The following CCDC43 variants were observed in gnomAD, a reference collection of about 807,000 sequenced individuals.
The protein encoded by CCDC43 is coiled-coil domain containing 43.
CCDC43 carries 20 observed loss-of-function variants against 33.3 expected under a neutral mutation model. The ratio of observed to expected loss-of-function variants is 0.60; its 90% CI spans 0.42 to 0.87. The LOEUF (loss-of-function observed/expected upper bound fraction) is 0.87, where lower values mean the gene tolerates loss of function less well. CCDC43 is among the 40% of genes least tolerant of loss of function. The pLI is 0.00. For synonymous variants in CCDC43, 104 were observed against 106.5 expected (o/e 0.98, Z 0.14); for missense variants, 248 against 269.9 (o/e 0.92, Z 0.57).
chr17:44,679,108 A>C, intron 4 of CCDC43, 65 bp from the exon 5 acceptor site: 5 of 1,302,230 alleles, frequency 3.8e-6, no homozygotes, highest in Non-Finnish European at 5.3e-6. Context: ...GCCTTTCCTC[A>C]TTCTACTTAT....
In CCDC43 at chr17:44,682,100, C is replaced by A; in HGVS notation, c.331G>T (p.Ala111Ser). 1.2e-6 allele frequency: 2 copies of A among 1,613,982 alleles called. No individual in the cohort carries two copies. The highest frequency in any genetic ancestry group is 8.5e-7 in the Non-Finnish European group (1 of 1,179,890). ...QAIATLIEKQ[A>S]QIVVKPRMVS... is the part of the protein sequence containing the mutation. Reference sequence around the variant, plus strand: ...ATCCTTGGCTTTACTACGATTTGTGCCTGCTTCTCAATTAGGGTGGCAATG... The same window carrying A: ...ATCCTTGGCTTTACTACGATTTGTGACTGCTTCTCAATTAGGGTGGCAATG... Residue 111 changes from alanine to serine, a missense_variant, in exon 3 of 5, where the codon GCA becomes TCA. Ala to Ser is a moderately conservative substitution (Grantham distance 99). Coordinates refer to ENST00000315286, the MANE Select transcript of CCDC43 (RefSeq NM_144609.3).
chr17:44,683,323 T>C (rs1972189386), intron 2 of CCDC43, among the ~76,000 whole-genome samples: 1 of 151,686 alleles, frequency 6.6e-6, no homozygotes, highest in Admixed American at 6.6e-5. Flanking sequence ...AGGTCAGGAG[T>C]TCGAGACCAG....
In CCDC43 at chr17:44,682,260, G is replaced by A; in HGVS notation, c.293-122C>T. The A allele has an allele frequency of 2.5e-6, 3 of 1,187,158 alleles. No homozygotes were observed. In the South Asian group the frequency reaches 4.2e-5, roughly 17 times the overall value. 73.5% of individuals were successfully genotyped at this position (1,187,158 alleles called of 1,614,324 possible). A position where few individuals can be genotyped will look rare whatever the true frequency, so the allele number is the denominator to read the frequency against. ...GCATCTGCTGCCTCCTTAGAGCCTG[G>A]CAGTTCAAAGGACATGGCTCGGGGG... On this transcript the variant is annotated intron_variant, in intron 2 of 4. Transcript: ENST00000315286.
rs1161370702 is a variant in CCDC43, at chr17:44,677,675, G to C, written c.*1181C>G. On this transcript the variant is annotated 3_prime_UTR_variant, in exon 5 of 5. Coordinates refer to ENST00000315286, the MANE Select transcript of CCDC43 (RefSeq NM_144609.3). ...GGTAGTAAATATTTTAGATTTCACA[G>C]ACCACATATTTTTTTCTTTTATAAC... 1.3e-5 allele frequency: 2 copies of C among 152,012 alleles called. No individual in the cohort carries two copies. Among genetic ancestry groups the C allele is most frequent in the African/African-American group, 2.4e-5 (1 of 41,380 alleles). 9.4% of individuals were successfully genotyped at this position (152,012 alleles called of 1,614,324 possible).
chr17:44,683,115 T>C (rs1230826837), intron 2 of CCDC43, among the ~76,000 whole-genome samples: 1 of 152,098 alleles, frequency 6.6e-6, no homozygotes, highest in Non-Finnish European at 1.5e-5. Context: ...ATGATTTGAG[T>C]TTTCTGTACC....
chr17:44,684,027 G>A (rs1972199234), intron 1 of CCDC43, 68 bp from the exon 2 acceptor site: 1 of 1,005,834 alleles, frequency 9.9e-7, no homozygotes, highest in South Asian at 1.3e-5. Flanking sequence ...CCTCAAAAAA[G>A]CCTATGAAGA....
In CCDC43 at chr17:44,678,766, T is replaced by C; in HGVS notation, c.*90A>G. On this transcript the variant is annotated 3_prime_UTR_variant, in exon 5 of 5. Coordinates refer to ENST00000315286, the MANE Select transcript of CCDC43 (RefSeq NM_144609.3). The stretch of plus-strand genomic sequence containing the variant: ...CAATAGGGGAAATGCCTTGGGAAAC[T>C]ACTTTGCAATGCACTCTCATTTCTC... 2.3e-6 allele frequency: 3 copies of C among 1,292,850 alleles called. No individual in the cohort carries two copies. Among genetic ancestry groups the C allele is most frequent in the Non-Finnish European group, 3.2e-6 (3 of 949,416 alleles). The allele number at this position is 1,292,850 out of a possible 1,614,324, so 80.1% of individuals were successfully genotyped here. A position where few individuals can be genotyped will look rare whatever the true frequency, so the allele number is the denominator to read the frequency against.
intron 4 of CCDC43, among the ~76,000 whole-genome samples, chr17:44,679,630 C>T (rs902726904): frequency 6.6e-6 from 1 of 152,206 alleles, no homozygotes; most frequent in African/African-American, 2.4e-5. Context: ...CGCAGTGGCT[C>T]ATGCCTGTAA....
rs1246947815 is a variant in CCDC43 at position 44,677,584 on chromosome 17, G to A, written c.*1272C>T. 1 of 151,282 alleles carries A rather than the reference G, an allele frequency of 6.6e-6. No individual in the cohort carries two copies. Among genetic ancestry groups the A allele is most frequent in the Non-Finnish European group, 1.5e-5 (1 of 67,894 alleles). 9.4% of individuals were successfully genotyped at this position (151,282 alleles called of 1,614,324 possible). A position where few individuals can be genotyped will look rare whatever the true frequency, so the allele number is the denominator to read the frequency against. On this transcript the variant is annotated 3_prime_UTR_variant, in exon 5 of 5. Coordinates refer to ENST00000315286, the MANE Select transcript of CCDC43 (RefSeq NM_144609.3). The stretch of plus-strand genomic sequence containing the variant: ...TTTAACCTTCTGCACAAAGGTAAAA[G>A]TTTTTGTTAATCTCATAGTTAATGG...
At chr17:44,689,383 T>G in intron 1 of CCDC43, 167 bp downstream of exon 1, 1 of 953,336 alleles carries the variant, frequency 1.0e-6, no homozygotes, top group Non-Finnish European at 1.5e-6. Flanking sequence ...CCACACCTGG[T>G]TGGGGAGCAA....
At chr17:44,681,778 C>T in intron 3 of CCDC43, 15 of 527,994 alleles carry the variant, frequency 2.8e-5, no homozygotes, top group South Asian at 7.6e-5. Flanking sequence ...TGTTTTACAC[C>T]AAAGTTTTCA....
In CCDC43 at chr17:44,678,748, G is replaced by T; in HGVS notation, c.*108C>A. Reference sequence around the variant, plus strand: ...TCCTTTTGACCATGTAAACAATAGGGGAAATGCCTTGGGAAACTACTTTGC... The same window carrying T: ...TCCTTTTGACCATGTAAACAATAGGTGAAATGCCTTGGGAAACTACTTTGC... On this transcript the variant is annotated 3_prime_UTR_variant, in exon 5 of 5. Coordinates refer to ENST00000315286, the MANE Select transcript of CCDC43 (RefSeq NM_144609.3). 1 of 1,113,050 alleles carries T rather than the reference G, an allele frequency of 9.0e-7. No individual in the cohort carries two copies. 68.9% of individuals were successfully genotyped at this position (1,113,050 alleles called of 1,614,324 possible).
intron 3 of CCDC43, chr17:44,681,767 T>C: frequency 1.9e-6 from 1 of 520,614 alleles, no homozygotes; most frequent in South Asian, 2.4e-5. Flanking sequence ...AAGACATTAT[T>C]TGTTTTACAC....
intron 4 of CCDC43, among the ~76,000 whole-genome samples, chr17:44,679,325 AC>A (rs1972123160): frequency 6.6e-6 from 1 of 152,210 alleles, no homozygotes; most frequent in African/African-American, 2.4e-5. Context: ...AAATAAGAAA[AC>A]AAAATATTTC....
At chr17:44,679,749 G>A (rs1459337545) in intron 4 of CCDC43, among the ~76,000 whole-genome samples, 2 of 151,710 alleles carry the variant, frequency 1.3e-5, no homozygotes, top group African/African-American at 2.4e-5. Context: ...AAAATTAGCC[G>A]GGCATGGTGG....
chr17:44,685,363 G>C lies in CCDC43; in HGVS notation c.205-1404C>G, dbSNP rs141375869. 5.8e-3 allele frequency among the ~76,000 whole-genome samples: 883 copies of C among 152,182 alleles called. 9 individuals carry two copies. Among genetic ancestry groups the C allele is most frequent in the African/African-American group, 0.02 (845 of 41,510 alleles). On this transcript the variant is annotated intron_variant, in intron 1 of 4. Transcript: ENST00000315286. ...GACACATAATAAAGAGGAGATACAT[G>C]ACAAAATGGTCTCTTGTCCAACCAT...
chr17:44,682,206 C>T, intron 2 of CCDC43, 68 bp from the exon 3 acceptor site: 1 of 1,586,162 alleles, frequency 6.3e-7, no homozygotes, highest in East Asian at 2.2e-5. Flanking sequence ...CACTAGTCCA[C>T]ATAGGCAGCA....
At chr17:44,685,124 T>C (rs1463353852) in intron 1 of CCDC43, among the ~76,000 whole-genome samples, 1 of 152,184 alleles carries the variant, frequency 6.6e-6, no homozygotes, top group Non-Finnish European at 1.5e-5. Context: ...ATGCAACAGA[T>C]CACTAAAGTA....
At chr17:44,684,044 A>G in intron 1 of CCDC43, 85 bp from the exon 2 acceptor site, 1 of 826,828 alleles carries the variant, frequency 1.2e-6, no homozygotes, top group Non-Finnish European at 2.1e-6. Flanking sequence ...AAGAAAGCAC[A>G]GCTCTCCATG....
Sources: gnomAD v4.1 joint callset for allele counts (sites outside exome capture counted in the v4.1 genomes callset) on GRCh38, gnomAD v4.1.1 for gene constraint, MANE v1.5 for transcripts, NCBI Gene and HGNC (gene_info 2026-07-23, HGNC 2026-07-21) for gene names.